The following MEIS3 variants were observed in gnomAD, a reference collection of about 807,000 sequenced individuals.
MEIS3 encodes the protein Meis homeobox 3.
MEIS3 carries 38 observed loss-of-function variants against 51.4 expected under a neutral mutation model. The ratio of observed to expected loss-of-function variants is 0.74; its 90% CI spans 0.57 to 0.97. The LOEUF is 0.97. Ranked by LOEUF, MEIS3 falls within the 50% of genes least tolerant of loss-of-function variation. MEIS3 has a pLI of 0.00. For synonymous variants in MEIS3, 198 were observed against 201.8 expected (o/e 0.98, Z 0.16); for missense variants, 456 against 502.6 (o/e 0.91, Z 0.89).
At chr19:47,408,523 C>T (rs988897639) in intron 8 of MEIS3, among the ~76,000 whole-genome samples, 1 of 151,912 alleles carries the variant, frequency 6.6e-6, no homozygotes, top group Admixed American at 6.6e-5. Flanking sequence ...GGATTCAGTC[C>T]GTCCCTGCCT....
At chr19:47,419,888 A>AGGGGTCACGTGGGAATCTGGAGTCT (rs1971643195), upstream of MEIS3, among the ~76,000 whole-genome samples, 1 of 151,846 alleles carries the variant, frequency 6.6e-6, no homozygotes, top group Non-Finnish European at 1.5e-5. Context: ...GGCCATCTCC[A>AGGGGTCACGTGGGAATCTGGAGTCT]GGGGTCACGT....
Position 47,413,496 on chromosome 19 carries a change from C to T in MEIS3, c.597+1221G>A, listed in dbSNP as rs374918134. ...TCTGAGGTGGTGTGGAGTGGGTGTG[C>T]GTGTGCTGTGAAGATGTCATTGCCA... On this transcript the variant is annotated intron_variant, in intron 6 of 12. Coordinates refer to ENST00000558555, the MANE Select transcript of MEIS3 (RefSeq NM_001301059.2). Among the ~76,000 whole-genome samples the T allele has an allele frequency of 2.5e-3, 386 of 151,498 alleles. 1 individual carries two copies. Among genetic ancestry groups the T allele is most frequent in the African/African-American group, 8.2e-3 (337 of 41,266 alleles).
At chr19:47,420,267 C>T (rs1264354194), upstream of MEIS3, among the ~76,000 whole-genome samples, 2 of 152,172 alleles carry the variant, frequency 1.3e-5, no homozygotes, top group East Asian at 1.9e-4. Context: ...CCCCACCTCA[C>T]CCTCAGCCAA....
intron 3 of MEIS3, 31 bp downstream of exon 3, chr19:47,416,773 A>C: frequency 6.2e-7 from 1 of 1,612,626 alleles, no homozygotes; most frequent in African/African-American, 1.3e-5. Flanking sequence ...TGGCTCTCTG[A>C]CTCGGTGTGT....
chr19:47,409,267 C>CTG lies in MEIS3; in HGVS notation c.710-22_710-21dup, dbSNP rs752149405. 1.1e-5 allele frequency: 18 copies of CTG among 1,600,636 alleles called. No individual in the cohort carries two copies. Among genetic ancestry groups the CTG allele is most frequent in the Non-Finnish European group, 1.5e-5 (18 of 1,174,314 alleles). On this transcript the variant is annotated intron_variant, in intron 7 of 12. Coordinates refer to ENST00000558555, the MANE Select transcript of MEIS3 (RefSeq NM_001301059.2). ...CGTCTCCTGAGGGAAGGCAGGCATG[C>CTG]TGTGTGTGTGGGTAGTGAAGAGTGG...
chr19:47,417,389 A>T, intron 1 of MEIS3, 39 bp from the exon 2 acceptor site: 1 of 1,611,190 alleles, frequency 6.2e-7, no homozygotes, highest in Non-Finnish European at 8.5e-7. Context: ...AGCCCCAGGG[A>T]GGGGTCAGCA....
At position 47,403,518 on chromosome 19, in the gene MEIS3, A is replaced by T; in HGVS notation, c.*53T>A. The T allele has an allele frequency of 2.2e-6, 1 of 455,568 alleles. No homozygotes were observed. Among genetic ancestry groups the T allele is most frequent in the Non-Finnish European group, 4.4e-6 (1 of 226,474 alleles). 28.2% of individuals were successfully genotyped at this position (455,568 alleles called of 1,614,324 possible). A position where few individuals can be genotyped will look rare whatever the true frequency, so the allele number is the denominator to read the frequency against. On this transcript the variant is annotated 3_prime_UTR_variant, in exon 13 of 13. Transcript: ENST00000558555. ...GGAGGACCAGGCGGGAACCAGAGGC[A>T]GGTGTGAGGCTGGGGGTCACAGCCG...
At chr19:47,409,593 G>C in intron 6 of MEIS3, 46 bp from the exon 7 acceptor site, 1 of 1,400,762 alleles carries the variant, frequency 7.1e-7, no homozygotes, top group South Asian at 1.2e-5. Flanking sequence ...GCCGGGCGCA[G>C]TGGCTCACGC....
At chr19:47,412,665 A>G (rs1461318877) in intron 6 of MEIS3, among the ~76,000 whole-genome samples, 2 of 151,786 alleles carry the variant, frequency 1.3e-5, no homozygotes, top group Non-Finnish European at 2.9e-5. Flanking sequence ...GGGTTCAAGC[A>G]ATTCTCCTGC....
chr19:47,408,671 A>C (rs1970966817), intron 8 of MEIS3, among the ~76,000 whole-genome samples: 1 of 151,876 alleles, frequency 6.6e-6, no homozygotes, highest in South Asian at 2.1e-4. Flanking sequence ...TCTGTCCTTG[A>C]AGCAGTATGG....
intron 6 of MEIS3, among the ~76,000 whole-genome samples, chr19:47,411,278 A>G (rs138551825): frequency 6.6e-6 from 1 of 152,310 alleles, no homozygotes; most frequent in African/African-American, 2.4e-5. Flanking sequence ...TACACCATGC[A>G]GTTCGCAACC....
At chr19:47,417,556 C>G in intron 1 of MEIS3, 1 of 713,226 alleles carries the variant, frequency 1.4e-6, no homozygotes. Flanking sequence ...AGGACCCCGT[C>G]CAGGCAGAGA....
upstream of MEIS3, among the ~76,000 whole-genome samples, chr19:47,421,782 T>C (rs1971721098): frequency 6.6e-6 from 1 of 151,324 alleles, no homozygotes; most frequent in Admixed American, 6.6e-5. Flanking sequence ...TGTCTCTTTG[T>C]CTGGATGTCT....
intron 4 of MEIS3, chr19:47,415,900 T>A (rs2122551170): frequency 6.6e-6 from 1 of 151,562 alleles, no homozygotes; most frequent in South Asian, 2.1e-4. Context: ...TTTCTCTTTC[T>A]CTAGCTCTCT....
chr19:47,420,765 T>C (rs971058103), upstream of MEIS3, among the ~76,000 whole-genome samples: 1 of 147,798 alleles, frequency 6.8e-6, no homozygotes, highest in Non-Finnish European at 1.5e-5. Context: ...GAGAAATTGA[T>C]TGGGGGAGGA....
chr19:47,411,120 A>T (rs12151200), intron 6 of MEIS3, among the ~76,000 whole-genome samples: 36,176 of 151,828 alleles, frequency 0.24, 4,515 homozygotes, highest in Middle Eastern at 0.38. Context: ...TATTTTTAGT[A>T]GAGACGGCGT....
intron 1 of MEIS3, chr19:47,417,753 GCCTC>G: frequency 1.5e-6 from 1 of 662,786 alleles, no homozygotes; most frequent in South Asian, 1.6e-5. Flanking sequence ...CACATACGAA[GCCTC>G]CCTGTCTTCT....
chr19:47,408,844 G>A (rs1970974740), intron 8 of MEIS3, among the ~76,000 whole-genome samples: 1 of 152,094 alleles, frequency 6.6e-6, no homozygotes, highest in Non-Finnish European at 1.5e-5. Context: ...TGGTGGGCAG[G>A]TGGATGATTG....
upstream of MEIS3, among the ~76,000 whole-genome samples, chr19:47,421,218 G>A (rs1214630869): frequency 2.6e-5 from 4 of 152,090 alleles, no homozygotes; most frequent in Admixed American, 6.5e-5. Flanking sequence ...AGGGGTCTCC[G>A]CCCTCTAGCC....
Sources: allele counts gnomAD v4.1 joint callset (sites outside exome capture counted in the v4.1 genomes callset), GRCh38; gene constraint gnomAD v4.1.1; transcripts MANE v1.5; gene names NCBI Gene and HGNC (gene_info 2026-07-23, HGNC 2026-07-21).